JAKMIP1: variants seen among roughly 807,000 people sequenced by gnomAD.
JAKMIP1 encodes janus kinase and microtubule-interacting protein 1.
Under a neutral mutation model 113.0 loss-of-function variants are expected in JAKMIP1, and 33 were observed. The observed-to-expected ratio is 0.29, with a 90% CI of 0.22 to 0.39. The LOEUF is 0.39. Ranked by LOEUF, JAKMIP1 falls within the 10% of genes least tolerant of loss-of-function variation. The pLI, the probability that JAKMIP1 is intolerant of heterozygous loss-of-function variation, is 1.00. For synonymous variants in JAKMIP1, 480 were observed against 459.9 expected (o/e 1.04, Z -0.56); for missense variants, 813 against 1,080.5 (o/e 0.75, Z 3.47).
At chr4:6,085,032 G>A (rs890599485) in intron 4 of JAKMIP1, 67 bp from the exon 5 acceptor site, 1 of 1,500,626 alleles carries the variant, frequency 6.7e-7, no homozygotes, top group Admixed American at 2.2e-5. Context: ...GTTGTGTGGA[G>A]CCTTCTTAGA....
intron 1 of JAKMIP1, among the ~76,000 whole-genome samples, chr4:6,149,089 G>A (rs921514598): frequency 6.6e-6 from 1 of 152,210 alleles, no homozygotes; most frequent in African/African-American, 2.4e-5. Context: ...GGCCGGGTTT[G>A]CACTGACTTC....
intron 18 of JAKMIP1, among the ~76,000 whole-genome samples, chr4:6,039,815 T>C (rs1714077563): frequency 6.6e-6 from 1 of 152,230 alleles, no homozygotes; most frequent in Middle Eastern, 3.2e-3. Flanking sequence ...CCATGCTACC[T>C]GCTCTCTGTC....
chr4:6,057,466 G>A (rs557366732), intron 11 of JAKMIP1, among the ~76,000 whole-genome samples: 142 of 152,232 alleles, frequency 9.3e-4, no homozygotes, highest in African/African-American at 3.1e-3. Context: ...GCAGAGGCCC[G>A]GCCTAGGGTC....
At chr4:6,032,213 T>C (rs533415018) in intron 19 of JAKMIP1, among the ~76,000 whole-genome samples, 3 of 152,338 alleles carry the variant, frequency 2.0e-5, no homozygotes, top group Admixed American at 2.0e-4. Flanking sequence ...TGCTTTGTAA[T>C]CTAATGTCTG....
rs200101451 is a variant in JAKMIP1 at position 6,064,847 on chromosome 4, G to A, written c.1431+33C>T. On this transcript the variant is annotated intron_variant, in intron 9 of 20. Coordinates refer to ENST00000409021, the MANE Select transcript of JAKMIP1 (RefSeq NM_001099433.2). The surrounding 1 kb of genome is among the most constrained non-coding windows in gnomAD (Gnocchi z 4.3). ...AGGTGCCGCCCCGAGAGCATCTGGG[G>A]TGAGGTCCCGCCCTCTCTGCAGGTT... is the stretch of plus-strand genomic sequence containing the variant. The A allele has an allele frequency of 1.2e-5, 19 of 1,612,896 alleles. No homozygotes were observed. The Admixed American group carries it at 1.8e-4, about 16-fold the overall frequency.
Position 6,117,727 on chromosome 4 carries a change from G to A in JAKMIP1, c.-147-4730C>T, listed in dbSNP as rs561365656. ...TGACCATAAGAGACAGGTACGCCCC[G>A]GGGGGCCAGTTCAGAGACCTACCCC... On this transcript the variant is annotated intron_variant, in intron 1 of 20. Transcript: ENST00000409021. 4.3e-3 allele frequency among the ~76,000 whole-genome samples: 652 copies of A among 151,874 alleles called. 4 individuals are homozygous for A. Among genetic ancestry groups the A allele is most frequent in the African/African-American group, 0.015 (612 of 41,312 alleles).
At chr4:6,103,891 C>T (rs911515096) in intron 3 of JAKMIP1, among the ~76,000 whole-genome samples, 2 of 152,082 alleles carry the variant, frequency 1.3e-5, no homozygotes, top group African/African-American at 2.4e-5. Context: ...ATCAATATTG[C>T]TAAATGTTTG....
intron 1 of JAKMIP1, among the ~76,000 whole-genome samples, chr4:6,166,646 C>T (rs568247582): frequency 3.3e-4 from 51 of 152,252 alleles, no homozygotes; most frequent in Non-Finnish European, 6.0e-4. Flanking sequence ...TGTCAGGCAG[C>T]ATATGCGGCA....
intron 3 of JAKMIP1, among the ~76,000 whole-genome samples, chr4:6,104,906 C>T (rs1267806350): frequency 6.6e-6 from 1 of 152,214 alleles, no homozygotes; most frequent in East Asian, 1.9e-4. Context: ...CTACTCATCT[C>T]TCTGAGGACA....
In JAKMIP1 at chr4:6,140,595, T is replaced by A. The variant is rs565146593; in HGVS notation, c.-147-27598A>T. On this transcript the variant is annotated intron_variant, in intron 1 of 20. Coordinates refer to ENST00000409021, the MANE Select transcript of JAKMIP1 (RefSeq NM_001099433.2). The surrounding 1 kb of genome is among the most constrained non-coding windows in gnomAD (Gnocchi z 9.4). Reference sequence around the variant, plus strand: ...CAGTGGTTCACAGCGTAAGGACCTCTGTCCCCACTGCTCCTGGAGGGGTGG... The same window carrying A: ...CAGTGGTTCACAGCGTAAGGACCTCAGTCCCCACTGCTCCTGGAGGGGTGG... Among the ~76,000 whole-genome samples the A allele has an allele frequency of 2.1e-4, 32 of 152,304 alleles. No individual in the cohort carries two copies. In the South Asian group the frequency reaches 6.4e-3, roughly 31 times the overall value.
At chr4:6,036,652 A>G (rs1713484320) in intron 18 of JAKMIP1, among the ~76,000 whole-genome samples, 1 of 152,234 alleles carries the variant, frequency 6.6e-6, no homozygotes, top group Admixed American at 6.5e-5. Context: ...TGAATGAGGC[A>G]TTAGTGACCA....
intron 1 of JAKMIP1, among the ~76,000 whole-genome samples, chr4:6,170,432 G>A (rs201505448): frequency 4.5e-3 from 6 of 1,336 alleles, no homozygotes; most frequent in South Asian, 0.033. Flanking sequence ...CATCACCATA[G>A]TCACCACCAC....
At chr4:6,046,073 G>A (rs1352961746) in intron 16 of JAKMIP1, among the ~76,000 whole-genome samples, 2 of 152,174 alleles carry the variant, frequency 1.3e-5, no homozygotes, top group East Asian at 1.9e-4. Context: ...TCGGCTCTAG[G>A]GTGACCAGCT....
chr4:6,191,496 G>A (rs147217826), intron 1 of JAKMIP1, among the ~76,000 whole-genome samples: 2,020 of 152,330 alleles, frequency 0.013, 25 homozygotes, highest in South Asian at 0.03. Context: ...TCCTCGCAGC[G>A]CACAAGGTGG....
chr4:6,047,391 A>T (rs1457361713), intron 16 of JAKMIP1, among the ~76,000 whole-genome samples: 7 of 152,262 alleles, frequency 4.6e-5, no homozygotes, highest in Admixed American at 4.6e-4. Flanking sequence ...GAGCCTAGGC[A>T]GCCACGGAGG....
At chr4:6,163,967 G>A (rs1020446840) in intron 1 of JAKMIP1, among the ~76,000 whole-genome samples, 2 of 152,218 alleles carry the variant, frequency 1.3e-5, no homozygotes, top group Admixed American at 6.5e-5. Context: ...TTTAAGGAAA[G>A]AAGCCATCTC....
chr4:6,098,207 G>A (rs553976053), intron 3 of JAKMIP1, among the ~76,000 whole-genome samples: 1 of 152,130 alleles, frequency 6.6e-6, no homozygotes, highest in African/African-American at 2.4e-5. Flanking sequence ...AAGACAGGTG[G>A]ATCACCTGAG....
chr4:6,071,697 C>A (rs1026518855), intron 8 of JAKMIP1, among the ~76,000 whole-genome samples: 1 of 152,344 alleles, frequency 6.6e-6, no homozygotes, highest in African/African-American at 2.4e-5. Flanking sequence ...GCTCTACCCA[C>A]ACCAGCTGCA....
chr4:6,065,345 C>T lies in JAKMIP1; in HGVS notation c.1303-337G>A, dbSNP rs1329361350. ...TGAGAAGCCACCTCACCTGTGAGCA[C>T]AAAAGGGGGCCATGCATGCCCTGTG... On this transcript the variant is annotated intron_variant, in intron 8 of 20. Coordinates refer to ENST00000409021, the MANE Select transcript of JAKMIP1 (RefSeq NM_001099433.2). The surrounding 1 kb of genome is among the most constrained non-coding windows in gnomAD (Gnocchi z 5.1). 6.6e-6 allele frequency among the ~76,000 whole-genome samples: 1 copy of T among 152,208 alleles called. No homozygotes were observed. The highest frequency in any genetic ancestry group is 6.5e-5 in the Admixed American group (1 of 15,280).
Sources: allele counts gnomAD v4.1 joint callset (sites outside exome capture counted in the v4.1 genomes callset), GRCh38; gene constraint gnomAD v4.1.1; non-coding constraint Gnocchi (gnomAD v3.1); transcripts MANE v1.5; gene names NCBI Gene and HGNC (gene_info 2026-07-23, HGNC 2026-07-21).